The following NACA variants were observed in gnomAD, a reference collection of about 807,000 sequenced individuals.
The protein encoded by NACA is nascent polypeptide-associated complex subunit alpha.
In NACA, 42 loss-of-function variants were observed where a neutral mutation model predicts 86.4. The ratio of observed to expected loss-of-function variants is 0.49; its 90% confidence interval spans 0.38 to 0.63. The LOEUF is 0.63. Ranked by LOEUF, NACA falls within the 20% of genes least tolerant of loss-of-function variation. The pLI is 0.00. For synonymous variants in NACA, 898 were observed against 973.7 expected (o/e 0.92, Z 1.45); for missense variants, 2,157 against 2,483.6 (o/e 0.87, Z 2.80).
At chr12:56,714,756 G>A in intron 3 of NACA, 69 bp from the exon 4 acceptor site, 1 of 1,400,930 alleles carries the variant, frequency 7.1e-7, no homozygotes, top group Non-Finnish European at 1.0e-6. Context: ...ACCACAGCCT[G>A]CCCTGGACTA....
At position 56,717,612 on chromosome 12, in the gene NACA, G is replaced by A; in HGVS notation, c.3918C>T (p.Pro1306=). 2 of 1,255,098 alleles carry A rather than the reference G, an allele frequency of 1.6e-6. No homozygotes were observed. The highest frequency in any genetic ancestry group is 2.0e-6 in the Non-Finnish European group (2 of 978,352). 77.7% of individuals were successfully genotyped at this position (1,255,098 alleles called of 1,614,324 possible). The part of the protein sequence containing the change: ...SPKGGPATSP[P]KGAPTPPAAT... ...CAGCTGGAGGAGTGGGGGCCCCTTT[G>A]GGGGGTGAGGTAGCTGGGCCTCCTT... Residue 1306 remains proline, a synonymous_variant, in exon 3 of 9, where the codon CCC becomes CCT. Coordinates refer to ENST00000454682, the MANE Select transcript of NACA (RefSeq NM_001365896.1).
rs1953480271 is a variant in NACA at position 56,718,793 on chromosome 12, T to C, written c.2737A>G (p.Met913Val). The C allele has an allele frequency of 3.5e-6, 5 of 1,441,398 alleles. No homozygotes were observed. Among genetic ancestry groups the C allele is most frequent in the South Asian group, 2.3e-5 (2 of 88,556 alleles). The allele number at this position is 1,441,398 out of a possible 1,614,324, so 89.3% of individuals were successfully genotyped here. A position where few individuals can be genotyped will look rare whatever the true frequency, so the allele number is the denominator to read the frequency against. Residue 913 changes from methionine (M) to valine (V), a missense_variant, in exon 3 of 9, where the codon ATG (methionine) becomes GTG (valine). Met to Val is a conservative substitution (Grantham distance 21). Transcript: ENST00000454682. The stretch of plus-strand genomic sequence containing the variant: ...GCCTTTTTGGGGGAGGAAGAAGTCA[T>C]GGATAGAGCAGGAGCCTGTTTGGGT... ...PAPKQAPALS[M>V]TSSSPKKARA...
chr12:56,712,971 A>C, intron 7 of NACA, 63 bp from the exon 8 acceptor site: 1 of 1,612,432 alleles, frequency 6.2e-7, no homozygotes, highest in Non-Finnish European at 8.5e-7. Context: ...AGTTCTTTGG[A>C]GTCTCCTGAA....
chr12:56,721,440 T>G lies in NACA; in HGVS notation c.90A>C (p.Ser30=). ...CTAAGGCAGCAGTGACACTCAAGGC[T>G]GAAGACATAGGTAGCACAGCTGGAG... is the stretch of plus-strand genomic sequence containing the variant. ...QAETAVLPMS[S]ALSVTAALGQ... Residue 30 remains serine, a synonymous_variant, in exon 3 of 9, where the codon TCA becomes TCC. Transcript: ENST00000454682. 1 of 1,508,342 alleles carries G rather than the reference T, an allele frequency of 6.6e-7. No homozygotes were observed. The allele number at this position is 1,508,342 out of a possible 1,614,324, so 93.4% of individuals were successfully genotyped here. A position where few individuals can be genotyped will look rare whatever the true frequency, so the allele number is the denominator to read the frequency against.
rs1372550117 is a variant in NACA, at chr12:56,719,869, T to A, written c.1661A>T (p.Lys554Met). 1.9e-6 allele frequency: 3 copies of A among 1,613,778 alleles called. No individual in the cohort carries two copies. Among genetic ancestry groups the A allele is most frequent in the Non-Finnish European group, 1.7e-6 (2 of 1,179,860 alleles). Residue 554 changes from lysine (K) to methionine (M), a missense_variant, in exon 3 of 9, where the codon AAG becomes ATG. By Grantham distance (95) the Lys-to-Met change is moderately conservative (BLOSUM62 -1). Transcript: ENST00000454682. ...TAACGGTAATACAGTAGGGTCTTTCTTGGTGGTGAGTCCTGCTTGGGCTGG... is the reference window on the plus strand; with the variant it reads ...TAACGGTAATACAGTAGGGTCTTTCATGGTGGTGAGTCCTGCTTGGGCTGG... ...FSPAQAGLTT[K>M]KDPTVLPLVQ...
Position 56,716,465 on chromosome 12 carries a change from C to G in NACA, c.5065G>C (p.Ala1689Pro), listed in dbSNP as rs756175378. Residue 1689 changes from alanine to proline, a missense_variant, in exon 3 of 9, where the codon GCT (alanine) becomes CCT (proline). By Grantham distance (27) the Ala-to-Pro change is conservative. Around this residue, in one of 8 missense-constraint regions of NACA, gnomAD observed 797 missense variants for 777.6 expected, o/e 1.02. Transcript: ENST00000454682. ...TALKEVLVAP[A>P]PESTPIITAP... ...GTGATGATTGGCGTGCTTTCTGGAG[C>G]TGGGGCAACAAGTACTTCTTTCAGA... is the stretch of plus-strand genomic sequence containing the variant. 6.4e-7 allele frequency: 1 copy of G among 1,559,746 alleles called. No homozygotes were observed. The highest frequency in any genetic ancestry group is 1.7e-5 in the Admixed American group (1 of 58,162).
chr12:56,714,653 T>C lies in NACA; in HGVS notation c.5694A>G (p.Val1898=). ...TGGAATCCTGTTCTTCAAGCTCTGGTACTGATTCATCACTGTCAGATTCTG... is the reference window on the plus strand; with the variant it reads ...TGGAATCCTGTTCTTCAAGCTCTGGCACTGATTCATCACTGTCAGATTCTG... The part of the protein sequence containing the change: ...SGTESDSDES[V]PELEEQDSTQ... The change falls in exon 4 of 9, where the codon GTA becomes GTG. Residue 1898 remains valine, a synonymous_variant. Transcript: ENST00000454682. The C allele has an allele frequency of 6.2e-7, 1 of 1,614,170 alleles. No individual in the cohort carries two copies. Among genetic ancestry groups the C allele is most frequent in the Non-Finnish European group, 8.5e-7 (1 of 1,180,026 alleles).
intron 1 of NACA, chr12:56,724,822 T>C: frequency 2.8e-6 from 1 of 355,658 alleles, no homozygotes; most frequent in East Asian, 5.7e-5. Flanking sequence ...CTCCTAATAC[T>C]CACACTGGCT....
In NACA at chr12:56,717,366, G is replaced by T. The variant is rs932738911; in HGVS notation, c.4164C>A (p.Ser1388=). The T allele has an allele frequency of 5.1e-6, 7 of 1,373,714 alleles. No homozygotes were observed. The highest frequency in any genetic ancestry group is 2.4e-5 in the Admixed American group (1 of 42,176). 85.1% of individuals were successfully genotyped at this position (1,373,714 alleles called of 1,614,324 possible). A position where few individuals can be genotyped will look rare whatever the true frequency, so the allele number is the denominator to read the frequency against. ...ATGGGATAGCTGGTCCTCTTTTGGGGGAGGGAGGAGTCATAGCGGGACCTC... is the reference window on the plus strand; with the variant it reads ...ATGGGATAGCTGGTCCTCTTTTGGGTGAGGGAGGAGTCATAGCGGGACCTC... ...HKGGPAMTPP[S]PKRGPAIPSP... is the part of the protein sequence containing the mutation. The change falls in exon 3 of 9, where the codon TCC becomes TCA. Residue 1388 remains serine, a synonymous_variant. Transcript: ENST00000454682.
chr12:56,714,249 AACTT>A (rs893861553), intron 5 of NACA, 109 bp downstream of exon 5: 13 of 1,059,830 alleles, frequency 1.2e-5, no homozygotes, highest in Non-Finnish European at 1.7e-5. Context: ...ACCACTAGAG[AACTT>A]ACTTGTATAA....
Position 56,724,544 on chromosome 12 carries a change from G to C in NACA, c.-2-21C>G, listed in dbSNP as rs371618209. The C allele has an allele frequency of 2.9e-5, 46 of 1,607,040 alleles. No homozygotes were observed. The Admixed American group carries it at 4.6e-4, about 16-fold the overall frequency. The stretch of plus-strand genomic sequence containing the variant: ...CATTTCTGAAGGAAGGGAATAAAAA[G>C]GAGGCCTAAATTGATTGGGATACAT... On this transcript the variant is annotated intron_variant, in intron 1 of 8. Coordinates refer to ENST00000454682, the MANE Select transcript of NACA (RefSeq NM_001365896.1).
In NACA at chr12:56,716,994, GGAA is replaced by G. The variant is rs1953390529; in HGVS notation, c.4533_4535del (p.Ser1512del). 7.8e-7 allele frequency: 1 copy of G among 1,287,226 alleles called. No individual in the cohort carries two copies. The highest frequency in any genetic ancestry group is 3.1e-5 in the Admixed American group (1 of 32,154). The allele number at this position is 1,287,226 out of a possible 1,614,324, so 79.7% of individuals were successfully genotyped here. On this transcript the variant is annotated inframe_deletion, in exon 3 of 9. Coordinates refer to ENST00000454682, the MANE Select transcript of NACA (RefSeq NM_001365896.1). ...ATGGGGTAGCTGGGACCTCTTTGGG[GGAA>G]GAAGGAATCACAGCTGGCAGAGTGG...
rs369140518 is a variant in NACA at position 56,719,137 on chromosome 12, C to T, written c.2393G>A (p.Gly798Glu). The T allele has an allele frequency of 1.4e-6, 2 of 1,458,876 alleles. No individual in the cohort carries two copies. Among genetic ancestry groups the T allele is most frequent in the Non-Finnish European group, 1.9e-6 (2 of 1,079,416 alleles). 90.4% of individuals were successfully genotyped at this position (1,458,876 alleles called of 1,614,324 possible). A position where few individuals can be genotyped will look rare whatever the true frequency, so the allele number is the denominator to read the frequency against. The stretch of plus-strand genomic sequence containing the variant: ...TTTAGTCTGAGGAGACACACTAACC[C>T]CTAAAGGAGATGGGGAATCAGCTAG... ...TYLADSPSPLGVSVSPQTKRP... is the reference protein window; with the variant it reads ...TYLADSPSPLEVSVSPQTKRP... Residue 798 changes from glycine (G) to glutamate (E), a missense_variant, in exon 3 of 9, where the codon GGG becomes GAG. Physicochemically the swap from Gly to Glu is moderately conservative, Grantham distance 98. Coordinates refer to ENST00000454682, the MANE Select transcript of NACA (RefSeq NM_001365896.1).
At chr12:56,712,935 A>G (rs1382948329) in intron 7 of NACA, 27 bp from the exon 8 acceptor site, 1 of 1,613,988 alleles carries the variant, frequency 6.2e-7, no homozygotes, top group Admixed American at 1.7e-5. Context: ...AAAAAGCAGT[A>G]AATTAAAGGC....
chr12:56,716,752 G>A lies in NACA; in HGVS notation c.4778C>T (p.Ala1593Val), dbSNP rs1263752289. The change falls in exon 3 of 9, where the codon GCC becomes GTC. Residue 1593 changes from alanine to valine, a missense_variant. Around this residue, in one of 8 missense-constraint regions of NACA, gnomAD observed 797 missense variants for 777.6 expected, o/e 1.02. Coordinates refer to ENST00000454682, the MANE Select transcript of NACA (RefSeq NM_001365896.1). ...AATGAGGAGCTCTTTGGGGGATGGG[G>A]CCCCTTTGTAAGTGGAAGGAGTCAC... ...PAVTPSTYKG[A>V]PSPKELLIPP... 1.0e-5 allele frequency: 14 copies of A among 1,381,010 alleles called. No homozygotes were observed. The highest frequency in any genetic ancestry group is 1.3e-5 in the Non-Finnish European group (14 of 1,044,800). The allele number at this position is 1,381,010 out of a possible 1,614,324, so 85.5% of individuals were successfully genotyped here. A position where few individuals can be genotyped will look rare whatever the true frequency, so the allele number is the denominator to read the frequency against.
In NACA at chr12:56,716,886, G is replaced by A; in HGVS notation, c.4644C>T (p.Leu1548=). 3 of 1,314,014 alleles carry A rather than the reference G, an allele frequency of 2.3e-6. No individual in the cohort carries two copies. In the South Asian group the frequency reaches 4.7e-5, roughly 21 times the overall value. The allele number at this position is 1,314,014 out of a possible 1,614,324, so 81.4% of individuals were successfully genotyped here. ...AGGGAACAGTCATAGCTGGGGGAAT[G>A]AGGGCCTCTTTGGGGGCTAGAGTTG... ...TPATLAPKEA[L]IPPAMTVPSP... is the part of the protein sequence containing the mutation. The change falls in exon 3 of 9, where the codon CTC becomes CTT. Residue 1548 remains leucine, a synonymous_variant. Coordinates refer to ENST00000454682, the MANE Select transcript of NACA (RefSeq NM_001365896.1).
intron 1 of NACA, 108 bp from the exon 2 acceptor site, chr12:56,724,631 A>T (rs1007267312): frequency 8.2e-7 from 1 of 1,222,664 alleles, no homozygotes; most frequent in Non-Finnish European, 1.2e-6. Flanking sequence ...TTAGAAAAAA[A>T]TCGTGAGGGT....
In NACA at chr12:56,719,252, A is replaced by C. The variant is rs759418659; in HGVS notation, c.2278T>G (p.Leu760Val). Residue 760 changes from leucine to valine, a missense_variant, in exon 3 of 9, where the codon TTG becomes GTG. By Grantham distance (32) the Leu-to-Val change is conservative. Around this residue, in one of 8 missense-constraint regions of NACA, gnomAD observed 947 missense variants for 917.9 expected, o/e 1.03. Coordinates refer to ENST00000454682, the MANE Select transcript of NACA (RefSeq NM_001365896.1). The stretch of plus-strand genomic sequence containing the variant: ...TTGGGAGAGGAAGCAACAGGTGCCA[A>C]TGCTGAAGTATGAGAAATACCATCA... The part of the protein sequence containing the change: ...KVDGISHTSA[L>V]APVASSPKEC... 3.2e-6 allele frequency: 5 copies of C among 1,541,372 alleles called. No individual in the cohort carries two copies. Among genetic ancestry groups the C allele is most frequent in the South Asian group, 1.1e-5 (1 of 89,438 alleles).
At position 56,718,124 on chromosome 12, in the gene NACA, GGGAGGGAGGA is replaced by G. The variant is rs760709663; in HGVS notation, c.3396_3405del (p.Pro1133GlnfsTer5). On this transcript the variant is annotated frameshift_variant, in exon 3 of 9. Coordinates refer to ENST00000454682, the MANE Select transcript of NACA (RefSeq NM_001365896.1). LOFTEE classifies it high-confidence loss of function. Reference sequence around the variant, plus strand: ...GGTGGGGTAGCTAGACCTCCTTTTGGGGAGGGAGGAGTTGCAGCTGGGGTTGTGGGTGCCC... The same window carrying G: ...GGTGGGGTAGCTAGACCTCCTTTTGGGTTGCAGCTGGGGTTGTGGGTGCCC... 6 of 924,382 alleles carry G rather than the reference GGGAGGGAGGA, an allele frequency of 6.5e-6. No homozygotes were observed. The highest frequency in any genetic ancestry group is 7.5e-5 in the East Asian group (1 of 13,372). The allele number at this position is 924,382 out of a possible 1,614,324, so 57.3% of individuals were successfully genotyped here.
Sources: allele counts gnomAD v4.1 joint callset, GRCh38; gene constraint gnomAD v4.1.1; regional missense constraint gnomAD v4.1.1; transcripts MANE v1.5; gene names NCBI Gene and HGNC (gene_info 2026-07-23, HGNC 2026-07-21).